NTNG1: variants seen among roughly 807,000 people sequenced by gnomAD.
NTNG1 encodes netrin-G1.
Under a neutral mutation model 54.0 loss-of-function variants are expected in NTNG1, and 16 were observed. The ratio of observed to expected loss-of-function variants is 0.30; its 90% confidence interval spans 0.20 to 0.45. The LOEUF (loss-of-function observed/expected upper bound fraction) is 0.45, where lower values mean the gene tolerates loss of function less well. NTNG1 is among the 20% of genes least tolerant of loss of function. The pLI, the probability that NTNG1 is intolerant of heterozygous loss-of-function variation, is 1.00. For synonymous variants in NTNG1, 255 were observed against 263.1 expected, an observed-to-expected ratio of 0.97 and a Z score of 0.30; for missense variants, 530 against 678.7, an observed-to-expected ratio of 0.78 and a Z score of 2.43.
chr1:107,357,294 T>A (rs926049754), intron 3 of NTNG1, among the ~76,000 whole-genome samples: 4 of 152,248 alleles, frequency 2.6e-5, no homozygotes, highest in Non-Finnish European at 2.9e-5. Flanking sequence ...TTAAAAAAAA[T>A]TCCTAAATTT....
chr1:107,469,033 G>A (rs895500094), intron 7 of NTNG1, among the ~76,000 whole-genome samples: 5 of 144,964 alleles, frequency 3.4e-5, no homozygotes, highest in African/African-American at 1.3e-4. Flanking sequence ...GGAGGCGGAG[G>A]TTGCAGTGAG....
chr1:107,171,565 A>C (rs899740978), intron 2 of NTNG1, among the ~76,000 whole-genome samples: 1 of 152,118 alleles, frequency 6.6e-6, no homozygotes, highest in African/African-American at 2.4e-5. Context: ...GTGGTCTGCC[A>C]TTGTGTGTGC....
chr1:107,242,256 C>T (rs1281228072), intron 2 of NTNG1, among the ~76,000 whole-genome samples: 2 of 152,066 alleles, frequency 1.3e-5, no homozygotes, highest in Admixed American at 1.3e-4. Context: ...GCAAAGTTTG[C>T]CGTGAGGCAA....
chr1:107,481,015 G>C lies in NTNG1; in HGVS notation c.*175G>C, dbSNP rs1678679294. Reference sequence around the variant, plus strand: ...TTTATCACCCGTGGACAGCACATCCGAGTCAAGACTGTTAATTTCTGACTC... The same window carrying C: ...TTTATCACCCGTGGACAGCACATCCCAGTCAAGACTGTTAATTTCTGACTC... On this transcript the variant is annotated 3_prime_UTR_variant, in exon 8 of 8. Transcript: ENST00000370068. 3.6e-6 allele frequency: 2 copies of C among 558,536 alleles called. No individual in the cohort carries two copies. The highest frequency in any genetic ancestry group is 3.7e-5 in the African/African-American group (2 of 53,462). 34.6% of individuals were successfully genotyped at this position (558,536 alleles called of 1,614,324 possible).
intron 5 of NTNG1, among the ~76,000 whole-genome samples, chr1:107,416,706 TCTTTA>T (rs1674228367): frequency 6.6e-6 from 1 of 152,106 alleles, no homozygotes; most frequent in African/African-American, 2.4e-5. Flanking sequence ...AAAATTATTA[TCTTTA>T]CTTAAATTTC....
At chr1:107,256,975 GT>G (rs1451497801) in intron 2 of NTNG1, among the ~76,000 whole-genome samples, 1 of 152,036 alleles carries the variant, frequency 6.6e-6, no homozygotes, top group Non-Finnish European at 1.5e-5. Flanking sequence ...ACTTTGAAAT[GT>G]TTTTGCTTAT....
intron 2 of NTNG1, among the ~76,000 whole-genome samples, chr1:107,225,337 C>A (rs1173811654): frequency 1.3e-5 from 2 of 151,920 alleles, no homozygotes; most frequent in South Asian, 2.1e-4. Flanking sequence ...TGAGAAGCAC[C>A]TGTTGATGGG....
chr1:107,264,533 T>C (rs1663601061), intron 2 of NTNG1, among the ~76,000 whole-genome samples: 1 of 152,256 alleles, frequency 6.6e-6, no homozygotes, highest in African/African-American at 2.4e-5. Flanking sequence ...TCATTTTTTA[T>C]AAATGCTCCT....
chr1:107,306,419 T>C (rs1666698869), intron 2 of NTNG1, among the ~76,000 whole-genome samples: 1 of 152,206 alleles, frequency 6.6e-6, no homozygotes, highest in Non-Finnish European at 1.5e-5. Flanking sequence ...GGCTCCCATA[T>C]GGGACAACAC....
intron 5 of NTNG1, among the ~76,000 whole-genome samples, chr1:107,413,914 G>T (rs1674016422): frequency 6.6e-6 from 1 of 151,918 alleles, no homozygotes. Context: ...ATATTACATG[G>T]TAAACAATAA....
At position 107,161,208 on chromosome 1, in the gene NTNG1, A is replaced by G. The variant is rs141816276; in HGVS notation, c.246+12369A>G. 4.3e-4 allele frequency among the ~76,000 whole-genome samples: 65 copies of G among 152,236 alleles called. No homozygotes were observed. The East Asian group carries it at 8.5e-3, about 20-fold the overall frequency. Reference sequence around the variant, plus strand: ...ACAGAGATATATTTGTTTGACCATAACCTTCATATCAAAGATTATTGCTCT... The same window carrying G: ...ACAGAGATATATTTGTTTGACCATAGCCTTCATATCAAAGATTATTGCTCT... On this transcript the variant is annotated intron_variant, in intron 2 of 7. Coordinates refer to ENST00000370068, the MANE Select transcript of NTNG1 (RefSeq NM_001113226.3).
chr1:107,240,624 C>G (rs1393641473), intron 2 of NTNG1, among the ~76,000 whole-genome samples: 2 of 152,162 alleles, frequency 1.3e-5, no homozygotes, highest in Non-Finnish European at 2.9e-5. Context: ...CCTTCTTGTT[C>G]TCTGAAAAGC....
In NTNG1 at chr1:107,266,454, A is replaced by G. The variant is rs149431479; in HGVS notation, c.247-57828A>G. Among the ~76,000 whole-genome samples, 764 of 152,206 alleles carry G rather than the reference A, an allele frequency of 5.0e-3. 8 individuals carry two copies. The highest frequency in any genetic ancestry group is 0.018 in the African/African-American group (731 of 41,510). On this transcript the variant is annotated intron_variant, in intron 2 of 7. Coordinates refer to ENST00000370068, the MANE Select transcript of NTNG1 (RefSeq NM_001113226.3). ...AAGACAGTGAAGGGGAAGGTGCTAC[A>G]TTCTGTTTAGCAACCAGATGTCATG...
chr1:107,424,777 C>T (rs1674792506), intron 5 of NTNG1, among the ~76,000 whole-genome samples: 1 of 152,064 alleles, frequency 6.6e-6, no homozygotes, highest in Non-Finnish European at 1.5e-5. Flanking sequence ...AAGGCAGTGG[C>T]ACACAATGGA....
chr1:107,376,344 C>T (rs1158299071), intron 3 of NTNG1, among the ~76,000 whole-genome samples: 3 of 151,348 alleles, frequency 2.0e-5, no homozygotes, highest in Admixed American at 1.3e-4. Flanking sequence ...GGAGGCGGAG[C>T]TTACAGTGAG....
chr1:107,249,482 CAAAA>C (rs10564675), intron 2 of NTNG1, among the ~76,000 whole-genome samples: 81 of 120,556 alleles, frequency 6.7e-4, no homozygotes, highest in East Asian at 5.8e-3. Flanking sequence ...AACTCCGTCT[CAAAA>C]AAAAAAAAAA....
chr1:107,163,384 TACTC>T (rs1454882397), intron 2 of NTNG1, among the ~76,000 whole-genome samples: 7 of 152,140 alleles, frequency 4.6e-5, no homozygotes, highest in South Asian at 2.1e-4. Context: ...ATATAGTAAA[TACTC>T]AATAAATATT....
intron 2 of NTNG1, among the ~76,000 whole-genome samples, chr1:107,291,910 C>CA (rs1665628908): frequency 6.6e-6 from 1 of 151,786 alleles, no homozygotes; most frequent in Non-Finnish European, 1.5e-5. Flanking sequence ...ATGTATATGA[C>CA]AGAGTTAATA....
chr1:107,195,646 C>T (rs1658267058), intron 2 of NTNG1, among the ~76,000 whole-genome samples: 3 of 151,724 alleles, frequency 2.0e-5, no homozygotes. Context: ...CACACCTGTG[C>T]CTTAGCAGTC....
Sources: gnomAD v4.1 joint callset for allele counts (sites outside exome capture counted in the v4.1 genomes callset) on GRCh38, gnomAD v4.1.1 for gene constraint, MANE v1.5 for transcripts, NCBI Gene and HGNC (gene_info 2026-07-23, HGNC 2026-07-21) for gene names.